The following RCC1 variants were observed in gnomAD, a reference collection of about 807,000 sequenced individuals.
RCC1 encodes regulator of chromosome condensation.
A neutral mutation model predicts 44.4 loss-of-function variants in RCC1; 11 were observed. The observed-to-expected ratio is 0.25, with a 90% confidence interval of 0.16 to 0.41. The LOEUF is 0.41. Among genes scored for constraint, RCC1 ranks in the 10% least tolerant of loss-of-function variants. The pLI is 1.00. For synonymous variants in RCC1, 213 were observed against 216.5 expected (o/e 0.98, Z 0.14); for missense variants, 386 against 547.1 (o/e 0.71, Z 2.94).
chr1:28,523,518 G>A (rs1227286808), intron 4 of RCC1, among the ~76,000 whole-genome samples: 1 of 152,154 alleles, frequency 6.6e-6, no homozygotes, highest in Non-Finnish European at 1.5e-5. Context: ...CTAAGGAGAT[G>A]TTGACTGGGT....
At chr1:28,530,438 A>AG (rs1664056351) in intron 5 of RCC1, 1 of 1,267,070 alleles carries the variant, frequency 7.9e-7, no homozygotes, top group African/African-American at 1.5e-5. Context: ...GGGACCCCGG[A>AG]GGGGGACAGG....
At chr1:28,532,142 T>C (rs1373017008) in intron 6 of RCC1, 29 bp from the exon 7 acceptor site, 2 of 1,604,952 alleles carry the variant, frequency 1.2e-6, no homozygotes, top group East Asian at 2.2e-5. Flanking sequence ...AGGCCAGACG[T>C]TGCATTAATG....
chr1:28,525,411 T>A (rs1418914697), intron 4 of RCC1, among the ~76,000 whole-genome samples: 3 of 152,132 alleles, frequency 2.0e-5, no homozygotes, highest in Non-Finnish European at 4.4e-5. Context: ...ATTTGTGGAT[T>A]TACAACCATT....
intron 4 of RCC1, among the ~76,000 whole-genome samples, chr1:28,517,648 G>A (rs554689592): frequency 6.6e-6 from 1 of 151,992 alleles, no homozygotes; most frequent in Admixed American, 6.6e-5. Flanking sequence ...ACTGCCTCAG[G>A]ATAGAGGCTG....
At chr1:28,535,601 C>T in intron 9 of RCC1, 1 of 797,678 alleles carries the variant, frequency 1.3e-6, no homozygotes, top group Non-Finnish European at 2.1e-6. Context: ...TGTAAACCTA[C>T]TTCATTAGGT....
intron 5 of RCC1, among the ~76,000 whole-genome samples, 170 bp from the exon 6 acceptor site, chr1:28,531,633 G>C (rs1439603237): frequency 7.7e-6 from 1 of 129,194 alleles, no homozygotes; most frequent in Non-Finnish European, 1.6e-5. Context: ...TCCTGTGAGA[G>C]AGGTACTTTT....
intron 7 of RCC1, 53 bp from the exon 8 acceptor site, chr1:28,534,997 C>A: frequency 6.8e-7 from 1 of 1,462,028 alleles, no homozygotes; most frequent in Non-Finnish European, 9.6e-7. Flanking sequence ...CTGGATTTCA[C>A]TGGCACGGGG....
intron 7 of RCC1, among the ~76,000 whole-genome samples, chr1:28,533,840 C>CTT (rs1664351916): frequency 3.1e-5 from 1 of 32,672 alleles, no homozygotes. Flanking sequence ...CTTTTCTTTT[C>CTT]TTTTCTTTTT....
In RCC1 at chr1:28,536,876, T is replaced by G; in HGVS notation, c.1067T>G (p.Val356Gly). The change falls in exon 12 of 13, where the codon GTG becomes GGG. Residue 356 changes from valine to glycine, a missense_variant. Transcript: ENST00000683442. The surrounding 1 kb of genome is among the most constrained non-coding windows in gnomAD (Gnocchi z 4.9). ...TCCTCGGTGGCTTGTGGGGCCTCTG[T>G]GGGGTATGCTGTGACCAAGGATGGT... ...AVSSVACGAS[V>G]GYAVTKDGRV... 4 of 1,613,930 alleles carry G rather than the reference T, an allele frequency of 2.5e-6. No homozygotes were observed. Among genetic ancestry groups the G allele is most frequent in the Non-Finnish European group, 3.4e-6 (4 of 1,179,968 alleles).
At chr1:28,526,402 G>A (rs74065011) in intron 4 of RCC1, 6 of 436,554 alleles carry the variant, frequency 1.4e-5, no homozygotes, top group African/African-American at 1.0e-4. Flanking sequence ...CCGAAGTCTC[G>A]AGAAATTCGC....
At chr1:28,510,273 G>A (rs1253919059) in intron 3 of RCC1, 5 of 152,296 alleles carry the variant, frequency 3.3e-5, no homozygotes, top group Non-Finnish European at 5.9e-5. Context: ...CTAGTTACTA[G>A]CTATGATTGT....
intron 2 of RCC1, chr1:28,508,587 TC>T: frequency 1.9e-6 from 1 of 518,706 alleles, no homozygotes; most frequent in South Asian, 1.4e-5. Context: ...GAGGTCACTC[TC>T]CCCAGGCTCT....
At chr1:28,514,571 G>C (rs1215923950) in intron 3 of RCC1, among the ~76,000 whole-genome samples, 1 of 151,260 alleles carries the variant, frequency 6.6e-6, no homozygotes, top group Admixed American at 6.6e-5. Flanking sequence ...AGACCAGCCT[G>C]ACCAACATGG....
At chr1:28,521,499 CAGAAAAAAAA>C (rs1429059196) in intron 4 of RCC1, among the ~76,000 whole-genome samples, 23 of 117,424 alleles carry the variant, frequency 2.0e-4, no homozygotes, top group South Asian at 2.8e-4. Context: ...GACTCCACCT[CAGAAAAAAAA>C]AAAAAAAAAA....
At chr1:28,520,451 G>A (rs972559902) in intron 4 of RCC1, among the ~76,000 whole-genome samples, 10 of 152,152 alleles carry the variant, frequency 6.6e-5, no homozygotes, top group African/African-American at 2.2e-4. Context: ...GTGGGGGTAG[G>A]GCAGCTCCAG....
At chr1:28,516,339 C>T (rs1662893519) in intron 3 of RCC1, among the ~76,000 whole-genome samples, 2 of 151,974 alleles carry the variant, frequency 1.3e-5, no homozygotes, top group African/African-American at 4.8e-5. Context: ...TGGTGAAACC[C>T]TGTCTCTACT....
intron 1 of RCC1, chr1:28,507,721 C>T (rs907118770): frequency 4.5e-5 from 16 of 353,486 alleles, no homozygotes; most frequent in African/African-American, 3.3e-4. Flanking sequence ...ATTCTCCTGC[C>T]TTGGCCTCCT....
rs767239527 is a variant in RCC1 at position 28,531,829 on chromosome 1, C to A, written c.100C>A (p.Pro34Thr). 4.9e-5 allele frequency: 76 copies of A among 1,562,858 alleles called. No individual in the cohort carries two copies. The highest frequency in any genetic ancestry group is 6.4e-5 in the Non-Finnish European group (74 of 1,158,608). The change falls in exon 6 of 13, where the codon CCC becomes ACC. Residue 34 changes from proline to threonine, a missense_variant. Transcript: ENST00000683442. ...CTCACACAGGTCCCACAGCACAGAA[C>A]CCGGCTTGGTGCTGACACTAGGCCA... The part of the protein sequence containing the change: ...KVSHRSHSTE[P>T]GLVLTLGQGD...
Position 28,532,356 on chromosome 1 carries a change from G to C in RCC1, c.441+6G>C. 6.2e-7 allele frequency: 1 copy of C among 1,613,700 alleles called. No individual in the cohort carries two copies. The highest frequency in any genetic ancestry group is 8.5e-7 in the Non-Finnish European group (1 of 1,179,820). On this transcript the variant is annotated splice_donor_region_variant and intron_variant, in intron 7 of 12. Coordinates refer to ENST00000683442, the MANE Select transcript of RCC1 (RefSeq NM_001381865.2). ...TCCTCTGGGGCTCCTTCCGGGTAAG[G>C]CTGGGTCTGAAAGTCTGCATGGTCC... is the stretch of plus-strand genomic sequence containing the variant.
Sources: gnomAD v4.1 joint callset for allele counts (sites outside exome capture counted in the v4.1 genomes callset) on GRCh38, gnomAD v4.1.1 for gene constraint, Gnocchi (gnomAD v3.1) non-coding constraint, MANE v1.5 for transcripts, NCBI Gene and HGNC (gene_info 2026-07-23, HGNC 2026-07-21) for gene names.